The following SORCS3 variants were observed in gnomAD, a reference collection of about 807,000 sequenced individuals.
SORCS3 encodes the protein sortilin related VPS10 domain containing receptor 3, also known as VPS10 domain-containing receptor SorCS3.
Under a neutral mutation model 146.3 loss-of-function variants are expected in SORCS3, and 57 were observed. The ratio of observed to expected loss-of-function variants is 0.39; its 90% CI spans 0.31 to 0.49. The LOEUF is 0.49. SORCS3 is among the 20% of genes least tolerant of loss of function. The pLI is 0.92. For synonymous variants in SORCS3, 653 were observed against 618.5 expected (o/e 1.06, Z -0.83); for missense variants, 1,341 against 1,575.5 (o/e 0.85, Z 2.52).
chr10:104,896,419 G>A (rs1021979954), intron 2 of SORCS3, among the ~76,000 whole-genome samples: 3 of 152,240 alleles, frequency 2.0e-5, no homozygotes, highest in Non-Finnish European at 4.4e-5. Flanking sequence ...ACAAATGCCA[G>A]GATAGGGGCC....
intron 1 of SORCS3, among the ~76,000 whole-genome samples, chr10:104,769,229 T>C (rs996639316): frequency 1.3e-5 from 2 of 152,146 alleles, no homozygotes; most frequent in Admixed American, 6.5e-5. Context: ...TGACACTCCT[T>C]CCAGGGGCTC....
At position 105,176,637 on chromosome 10, in the gene SORCS3, C is replaced by T. The variant is rs550885905; in HGVS notation, c.1902-1429C>T. ...TTGGGAGGCCTAGGTGGGTGGGTTACGAGGCCAGAAGATCGAGACCATCCT... is the reference window on the plus strand; with the variant it reads ...TTGGGAGGCCTAGGTGGGTGGGTTATGAGGCCAGAAGATCGAGACCATCCT... On this transcript the variant is annotated intron_variant, in intron 13 of 26. Coordinates refer to ENST00000369701, the MANE Select transcript of SORCS3 (RefSeq NM_014978.3). Among the ~76,000 whole-genome samples, 9 of 151,994 alleles carry T rather than the reference C, an allele frequency of 5.9e-5. No homozygotes were observed. The East Asian group carries it at 9.7e-4, about 16-fold the overall frequency.
intron 1 of SORCS3, among the ~76,000 whole-genome samples, chr10:104,657,215 G>A (rs191859486): frequency 2.0e-5 from 3 of 152,232 alleles, no homozygotes; most frequent in East Asian, 3.9e-4. Flanking sequence ...CCAAGCCCAC[G>A]CTAGATCAGC....
intron 2 of SORCS3, among the ~76,000 whole-genome samples, chr10:104,882,073 T>G (rs546440671): frequency 6.6e-6 from 1 of 152,202 alleles, no homozygotes; most frequent in South Asian, 2.1e-4. Flanking sequence ...CAGAGTCTCC[T>G]TTAAAGGGTT....
At chr10:104,754,875 T>A (rs1564676011) in intron 1 of SORCS3, among the ~76,000 whole-genome samples, 1 of 152,228 alleles carries the variant, frequency 6.6e-6, no homozygotes, top group Non-Finnish European at 1.5e-5. Context: ...ATTTGAACCC[T>A]AGAATTACAC....
At chr10:104,894,002 C>T (rs1451177592) in intron 2 of SORCS3, among the ~76,000 whole-genome samples, 1 of 152,206 alleles carries the variant, frequency 6.6e-6, no homozygotes, top group Non-Finnish European at 1.5e-5. Flanking sequence ...ATTACTTCTT[C>T]CTGGCTTGCC....
intron 4 of SORCS3, among the ~76,000 whole-genome samples, chr10:104,984,697 A>G (rs1192818976): frequency 6.6e-6 from 1 of 152,184 alleles, no homozygotes; most frequent in African/African-American, 2.4e-5. Context: ...TATTAAATAC[A>G]TACAGGCGTA....
chr10:104,958,123 C>G (rs1160531023), intron 3 of SORCS3, among the ~76,000 whole-genome samples: 1 of 152,138 alleles, frequency 6.6e-6, no homozygotes, highest in Non-Finnish European at 1.5e-5. Flanking sequence ...TGCACTAATT[C>G]TTTGTCATTG....
intron 5 of SORCS3, among the ~76,000 whole-genome samples, chr10:105,062,946 C>T (rs528042984): frequency 1.2e-4 from 18 of 152,088 alleles, no homozygotes; most frequent in Non-Finnish European, 2.1e-4. Flanking sequence ...TGTCACCTCA[C>T]GTATGGTTGC....
chr10:105,218,859 C>A (rs2056680716), intron 19 of SORCS3, among the ~76,000 whole-genome samples: 1 of 152,032 alleles, frequency 6.6e-6, no homozygotes, highest in Non-Finnish European at 1.5e-5. Context: ...ACTAGAAATA[C>A]ACAAAATTAG....
At chr10:104,713,132 T>C (rs540062575) in intron 1 of SORCS3, among the ~76,000 whole-genome samples, 9 of 147,266 alleles carry the variant, frequency 6.1e-5, no homozygotes, top group East Asian at 3.9e-4. Flanking sequence ...TGTGTGCGTG[T>C]GTGTGTGTGT....
intron 1 of SORCS3, among the ~76,000 whole-genome samples, chr10:104,689,294 C>A (rs187240226): frequency 6.6e-6 from 1 of 152,206 alleles, no homozygotes; most frequent in East Asian, 1.9e-4. Flanking sequence ...ACCTCTTCCT[C>A]CAGGAAGCCC....
At chr10:105,176,203 T>C (rs2056400380) in intron 13 of SORCS3, among the ~76,000 whole-genome samples, 1 of 152,048 alleles carries the variant, frequency 6.6e-6, no homozygotes, top group Non-Finnish European at 1.5e-5. Flanking sequence ...TTCTGTTAAA[T>C]ACTAAGAATA....
chr10:104,761,796 C>G (rs958730639), intron 1 of SORCS3, among the ~76,000 whole-genome samples: 2 of 152,070 alleles, frequency 1.3e-5, no homozygotes, highest in Non-Finnish European at 2.9e-5. Context: ...GCCTGTAAAG[C>G]GTTGACATGA....
At chr10:105,184,402 C>G (rs1029418962) in intron 14 of SORCS3, among the ~76,000 whole-genome samples, 3 of 152,198 alleles carry the variant, frequency 2.0e-5, no homozygotes, top group African/African-American at 7.2e-5. Flanking sequence ...TAACTCTCAG[C>G]TTGTGGGCCG....
chr10:105,197,139 G>C (rs2056548470), intron 14 of SORCS3, among the ~76,000 whole-genome samples: 1 of 152,028 alleles, frequency 6.6e-6, no homozygotes. Flanking sequence ...CTCAACTCAA[G>C]ACCCTTGATT....
At chr10:105,250,327 G>C (rs1267241163) in intron 22 of SORCS3, among the ~76,000 whole-genome samples, 1 of 152,130 alleles carries the variant, frequency 6.6e-6, no homozygotes, top group Non-Finnish European at 1.5e-5. Flanking sequence ...TTGGTTGCAA[G>C]GCATCCAGAA....
intron 7 of SORCS3, among the ~76,000 whole-genome samples, chr10:105,121,169 G>A (rs768888347): frequency 6.6e-6 from 1 of 152,168 alleles, no homozygotes; most frequent in Non-Finnish European, 1.5e-5. Context: ...TATTTGGAGT[G>A]TTCTTTCTAC....
intron 5 of SORCS3, among the ~76,000 whole-genome samples, chr10:105,063,459 C>T (rs1249062067): frequency 6.6e-6 from 1 of 152,208 alleles, no homozygotes; most frequent in Non-Finnish European, 1.5e-5. Flanking sequence ...ATTTATTTGT[C>T]CTGTTATTCC....
Sources: gnomAD v4.1 joint callset for allele counts (sites outside exome capture counted in the v4.1 genomes callset) on GRCh38, gnomAD v4.1.1 for gene constraint, MANE v1.5 for transcripts, NCBI Gene and HGNC (gene_info 2026-07-23, HGNC 2026-07-21) for gene names.